PARD3B: variants seen among roughly 807,000 people sequenced by gnomAD.
PARD3B encodes the protein partitioning defective 3 homolog B.
In PARD3B, 103 loss-of-function variants were observed where a neutral mutation model predicts 130.2. The ratio of observed to expected loss-of-function variants is 0.79; its 90% CI spans 0.67 to 0.93. The LOEUF (loss-of-function observed/expected upper bound fraction) is 0.93. PARD3B is among the 40% of genes least tolerant of loss of function. The pLI, the probability that PARD3B is intolerant of heterozygous loss-of-function variation, is 0.00. For missense variants in PARD3B, 1,609 were observed against 1,499.2 expected (o/e 1.07, Z -1.21); for synonymous variants, 583 against 553.2 (o/e 1.05, Z -0.76).
intron 1 of PARD3B, among the ~76,000 whole-genome samples, chr2:204,560,296 A>G (rs1473643397): frequency 4.6e-5 from 7 of 152,204 alleles, no homozygotes; most frequent in African/African-American, 1.4e-4. Flanking sequence ...CACTTTAGTC[A>G]CATGGAGGAA....
intron 15 of PARD3B, among the ~76,000 whole-genome samples, chr2:205,209,874 T>C (rs1276970027): frequency 6.6e-6 from 1 of 152,036 alleles, no homozygotes; most frequent in Admixed American, 6.6e-5. Flanking sequence ...CAATAATGAT[T>C]TAATTGTACA....
chr2:205,607,008 G>T (rs1054473383), intron 22 of PARD3B, among the ~76,000 whole-genome samples: 7 of 152,150 alleles, frequency 4.6e-5, no homozygotes, highest in Non-Finnish European at 1.0e-4. Flanking sequence ...TTGATTCTTA[G>T]TGATGCCAAC....
At chr2:204,830,064 A>G (rs2043753149) in intron 2 of PARD3B, among the ~76,000 whole-genome samples, 1 of 148,226 alleles carries the variant, frequency 6.7e-6, no homozygotes, top group Non-Finnish European at 1.5e-5. Flanking sequence ...CTCTCCTGCC[A>G]CCATGTGAAG....
intron 21 of PARD3B, among the ~76,000 whole-genome samples, chr2:205,541,525 T>C (rs2052136511): frequency 6.6e-6 from 1 of 152,120 alleles, no homozygotes; most frequent in African/African-American, 2.4e-5. Context: ...ATTTTTGTAT[T>C]TTTAGTAGAG....
chr2:204,569,207 T>A (rs1339476646), intron 1 of PARD3B, among the ~76,000 whole-genome samples: 2 of 152,222 alleles, frequency 1.3e-5, no homozygotes, highest in Non-Finnish European at 2.9e-5. Context: ...TGAAAAGAAT[T>A]GCTCTAAATA....
intron 22 of PARD3B, among the ~76,000 whole-genome samples, chr2:205,609,523 C>T (rs2055150652): frequency 6.6e-6 from 1 of 151,860 alleles, no homozygotes; most frequent in Admixed American, 6.6e-5. Flanking sequence ...CAATTATTAC[C>T]AAAAAAGGAA....
In PARD3B at chr2:205,164,202, G is replaced by A. The variant is rs186812230; in HGVS notation, c.1620+5295G>A. 8.3e-4 allele frequency among the ~76,000 whole-genome samples: 126 copies of A among 152,088 alleles called. 2 individuals carry two copies. In the South Asian group the frequency reaches 0.011, roughly 14 times the overall value. On this transcript the variant is annotated intron_variant, in intron 11 of 22. Coordinates refer to ENST00000406610, the MANE Select transcript of PARD3B (RefSeq NM_001302769.2). ...AAAAATACATTTTAGCTAATTTTCC[G>A]TTTTAAAAAAATCTGAAAATGTTAG...
chr2:204,728,059 C>A lies in PARD3B; in HGVS notation c.222+41777C>A, dbSNP rs370522203. On this transcript the variant is annotated intron_variant, in intron 2 of 22. Transcript: ENST00000406610. ...GCCCTTAGGGAAGAAAGCCTAAAGG[C>A]ACTTAGCGCGGGAGGATGCATATTA... is the stretch of plus-strand genomic sequence containing the variant. 7.6e-4 allele frequency among the ~76,000 whole-genome samples: 116 copies of A among 152,266 alleles called. 2 individuals are homozygous for A. In the South Asian group the frequency reaches 0.023, roughly 31 times the overall value.
At chr2:205,207,253 C>G (rs1488183041) in intron 15 of PARD3B, among the ~76,000 whole-genome samples, 1 of 133,464 alleles carries the variant, frequency 7.5e-6, no homozygotes, top group African/African-American at 3.0e-5. Context: ...TAAATGCCCA[C>G]AAGAGAAAGC....
intron 18 of PARD3B, among the ~76,000 whole-genome samples, chr2:205,349,617 C>A (rs2105839642): frequency 6.6e-6 from 1 of 152,110 alleles, no homozygotes; most frequent in African/African-American, 2.4e-5. Flanking sequence ...TTAAGAACTT[C>A]TTCCATAAGC....
intron 1 of PARD3B, among the ~76,000 whole-genome samples, chr2:204,667,845 G>T (rs2036096340): frequency 6.6e-6 from 1 of 152,128 alleles, no homozygotes; most frequent in Non-Finnish European, 1.5e-5. Flanking sequence ...ATCAGGGTTT[G>T]TTAACAAGCC....
rs986501894 is a variant in PARD3B, at chr2:205,091,143, G to C, written c.505-13283G>C. Among the ~76,000 whole-genome samples the C allele has an allele frequency of 6.6e-6, 1 of 152,218 alleles. No individual in the cohort carries two copies. The highest frequency in any genetic ancestry group is 2.4e-5 in the African/African-American group (1 of 41,464). On this transcript the variant is annotated intron_variant, in intron 4 of 22. Transcript: ENST00000406610. The surrounding 1 kb of genome is among the most constrained non-coding windows in gnomAD (Gnocchi z 4.2). ...AATTGTCTATGCAGGGTTAGCGGAA[G>C]AGATTTAAGCATTAGAGGCTGAAGT...
At chr2:205,056,535 T>C (rs1252763296) in intron 4 of PARD3B, among the ~76,000 whole-genome samples, 2 of 151,710 alleles carry the variant, frequency 1.3e-5, no homozygotes, top group Non-Finnish European at 2.9e-5. Context: ...AGTTTTGAAG[T>C]AACTGGTGTG....
chr2:204,715,802 C>T (rs537065362), intron 2 of PARD3B, among the ~76,000 whole-genome samples: 1 of 152,292 alleles, frequency 6.6e-6, no homozygotes, highest in South Asian at 2.1e-4. Flanking sequence ...TTCTGTGAAT[C>T]TGCCCTGGTC....
At chr2:205,218,806 A>G (rs1350629004) in intron 15 of PARD3B, among the ~76,000 whole-genome samples, 11 of 152,066 alleles carry the variant, frequency 7.2e-5, no homozygotes, top group Admixed American at 1.3e-4. Flanking sequence ...GTGGCTGGGC[A>G]TGGTGGCTCA....
chr2:205,367,461 T>C (rs2044652505), intron 18 of PARD3B, among the ~76,000 whole-genome samples: 2 of 152,316 alleles, frequency 1.3e-5, no homozygotes, highest in East Asian at 3.9e-4. Flanking sequence ...AACTCCGGAA[T>C]GGTTATCAAA....
At chr2:204,551,056 G>A (rs373399232) in intron 1 of PARD3B, among the ~76,000 whole-genome samples, 2 of 152,062 alleles carry the variant, frequency 1.3e-5, no homozygotes, top group South Asian at 2.1e-4. Flanking sequence ...GAACTGACTC[G>A]CCATCAGCAT....
chr2:205,246,676 G>A (rs552872413), intron 16 of PARD3B, among the ~76,000 whole-genome samples: 7 of 152,186 alleles, frequency 4.6e-5, no homozygotes, highest in East Asian at 1.9e-4. Context: ...AGTGTCTCCC[G>A]TGTTTGTGTG....
chr2:204,888,315 T>C lies in PARD3B; in HGVS notation c.223-76837T>C, dbSNP rs550829024. ...CAGTGATGCAGAGTAAGATATGCAG[T>C]AGACCAAGATCTGGCAGAGAAGACA... On this transcript the variant is annotated intron_variant, in intron 2 of 22. Transcript: ENST00000406610. Among the ~76,000 whole-genome samples the C allele has an allele frequency of 9.2e-5, 14 of 152,134 alleles. No homozygotes were observed. The East Asian group carries it at 2.5e-3, about 27-fold the overall frequency.
Sources: allele counts gnomAD v4.1 joint callset (sites outside exome capture counted in the v4.1 genomes callset), GRCh38; gene constraint gnomAD v4.1.1; non-coding constraint Gnocchi (gnomAD v3.1); transcripts MANE v1.5; gene names NCBI Gene and HGNC (gene_info 2026-07-23, HGNC 2026-07-21).